PML: variants seen among roughly 807,000 people sequenced by gnomAD.
PML encodes the protein protein PML.
A neutral mutation model predicts 65.2 loss-of-function variants in PML; 28 were observed. The observed-to-expected ratio is 0.43, with a 90% CI of 0.32 to 0.59. PML has a LOEUF of 0.59. Among genes scored for constraint, PML ranks in the 20% least tolerant of loss-of-function variants. The pLI is 0.08. For missense variants in PML, 1,021 were observed against 1,203.4 expected (o/e 0.85, Z 2.24); for synonymous variants, 500 against 508.8 (o/e 0.98, Z 0.23).
chr15:74,045,175 C>T lies in PML; in HGVS notation c.*167C>T, dbSNP rs2071759364. The T allele has an allele frequency of 1.5e-6, 1 of 650,036 alleles. No homozygotes were observed. Among genetic ancestry groups the T allele is most frequent in the Non-Finnish European group, 2.6e-6 (1 of 383,732 alleles). The allele number at this position is 650,036 out of a possible 1,614,324, so 40.3% of individuals were successfully genotyped here. A position where few individuals can be genotyped will look rare whatever the true frequency, so the allele number is the denominator to read the frequency against. ...TGGGACCAAATTTCCCTTCTCTAAA[C>T]ATCCTACAGAGAAGGTTCCAAAGCT... On this transcript the variant is annotated 3_prime_UTR_variant, in exon 9 of 9. Transcript: ENST00000268058.
At position 74,037,451 on chromosome 15, in the gene PML, C is replaced by T; in HGVS notation, c.1710+2921C>T. On this transcript the variant is annotated intron_variant, in intron 7 of 8. Coordinates refer to ENST00000268058, the MANE Select transcript of PML (RefSeq NM_033238.3). The surrounding 1 kb of genome is among the most constrained non-coding windows in gnomAD (Gnocchi z 4.2). Reference sequence around the variant, plus strand: ...TCTCTTGCATCTTCTAATGTATCCACTGCCTTCTGAACTAAACACCCTGAA... The same window carrying T: ...TCTCTTGCATCTTCTAATGTATCCATTGCCTTCTGAACTAAACACCCTGAA... 1.0e-6 allele frequency: 1 copy of T among 985,416 alleles called. No homozygotes were observed. Among genetic ancestry groups the T allele is most frequent in the Non-Finnish European group, 1.2e-6 (1 of 829,922 alleles). 61.0% of individuals were successfully genotyped at this position (985,416 alleles called of 1,614,324 possible). A position where few individuals can be genotyped will look rare whatever the true frequency, so the allele number is the denominator to read the frequency against.
intron 7 of PML, among the ~76,000 whole-genome samples, chr15:74,039,387 TA>T (rs758881114): frequency 1.7e-4 from 26 of 152,186 alleles, no homozygotes; most frequent in Non-Finnish European, 2.9e-4. Flanking sequence ...TGCAGAAAGA[TA>T]GCAATGCATG....
At chr15:74,015,110 A>G (rs75050379) in intron 2 of PML, among the ~76,000 whole-genome samples, 6,689 of 152,288 alleles carry the variant, frequency 0.044, 185 homozygotes, top group African/African-American at 0.069. Flanking sequence ...CTATTCTGGT[A>G]TCTTCTTCTC....
intron 2 of PML, among the ~76,000 whole-genome samples, chr15:74,019,600 T>C (rs1234124076): frequency 2.0e-5 from 3 of 152,192 alleles, no homozygotes; most frequent in Non-Finnish European, 4.4e-5. Context: ...TCAAATACAA[T>C]CAACTATGAA....
chr15:74,043,167 C>A lies in PML; in HGVS notation c.1861+28C>A. The A allele has an allele frequency of 6.2e-7, 1 of 1,613,952 alleles. No individual in the cohort carries two copies. The highest frequency in any genetic ancestry group is 8.5e-7 in the Non-Finnish European group (1 of 1,180,012). On this transcript the variant is annotated intron_variant, in intron 8 of 8. Coordinates refer to ENST00000268058, the MANE Select transcript of PML (RefSeq NM_033238.3). The surrounding 1 kb of genome is among the most constrained non-coding windows in gnomAD (Gnocchi z 4.3). ...GGGTTCTCCTGGGGCTACCCCCACC[C>A]CTTTCTAATTTAGTCTCTGAGTCCC...
chr15:74,010,699 C>G (rs978201744), intron 2 of PML, among the ~76,000 whole-genome samples: 2 of 152,072 alleles, frequency 1.3e-5, no homozygotes, highest in African/African-American at 4.8e-5. Flanking sequence ...GAATGCCTGC[C>G]TTCGAAGCTT....
intron 4 of PML, chr15:74,025,221 A>G (rs1333284530): frequency 2.2e-6 from 1 of 463,022 alleles, no homozygotes; most frequent in Admixed American, 3.4e-5. Context: ...GGGCTGCTGC[A>G]GAGGGAATTC....
intron 2 of PML, among the ~76,000 whole-genome samples, chr15:74,004,198 C>G (rs2069919831): frequency 6.6e-6 from 1 of 152,232 alleles, no homozygotes; most frequent in African/African-American, 2.4e-5. Context: ...CAGCCTCAAA[C>G]TCCTGGGCTC....
chr15:74,001,915 G>C (rs2069779759), intron 2 of PML, among the ~76,000 whole-genome samples: 1 of 151,874 alleles, frequency 6.6e-6, no homozygotes, highest in African/African-American at 2.4e-5. Flanking sequence ...GAGGCAGGAG[G>C]GTTGCTTGAA....
At chr15:74,017,429 C>T (rs1249892691) in intron 2 of PML, among the ~76,000 whole-genome samples, 1 of 152,020 alleles carries the variant, frequency 6.6e-6, no homozygotes, top group Non-Finnish European at 1.5e-5. Context: ...GGCGGATCAC[C>T]TGAGGTCAGG....
chr15:74,009,389 T>C lies in PML; in HGVS notation c.602+10913T>C, dbSNP rs117763467. Among the ~76,000 whole-genome samples the C allele has an allele frequency of 8.9e-3, 1,353 of 152,292 alleles. 16 individuals are homozygous for C. Among genetic ancestry groups the C allele is most frequent in the Middle Eastern group, 0.031 (9 of 294 alleles). On this transcript the variant is annotated intron_variant, in intron 2 of 8. Transcript: ENST00000268058. ...TGCATTTTATTGGGGATTGATATTA[T>C]TGGGATTGCTTCCTGGCCTGCAAGG...
In PML at chr15:74,040,136, G is replaced by A. The variant is rs141611834; in HGVS notation, c.1711-2853G>A. Among the ~76,000 whole-genome samples the A allele has an allele frequency of 5.3e-5, 8 of 152,282 alleles. No individual in the cohort carries two copies. In the East Asian group the frequency reaches 1.5e-3, roughly 29 times the overall value. On this transcript the variant is annotated intron_variant, in intron 7 of 8. Coordinates refer to ENST00000268058, the MANE Select transcript of PML (RefSeq NM_033238.3). ...GCCTGAACACAGTTTTGCATTCAAA[G>A]AAACAATGTCCATTAACCAAGTATA... is the stretch of plus-strand genomic sequence containing the variant.
Position 74,042,723 on chromosome 15 carries a change from G to A in PML, c.1711-266G>A, listed in dbSNP as rs535977239. 19 of 985,374 alleles carry A rather than the reference G, an allele frequency of 1.9e-5. No individual in the cohort carries two copies. The highest frequency in any genetic ancestry group is 1.1e-4 in the East Asian group (1 of 8,800). 61.0% of individuals were successfully genotyped at this position (985,374 alleles called of 1,614,324 possible). Reference sequence around the variant, plus strand: ...CTTGGATTCATTCCCACACATGCACGTTCACAACCTGTGTGTGTCACCCTT... The same window carrying A: ...CTTGGATTCATTCCCACACATGCACATTCACAACCTGTGTGTGTCACCCTT... On this transcript the variant is annotated intron_variant, in intron 7 of 8. Coordinates refer to ENST00000268058, the MANE Select transcript of PML (RefSeq NM_033238.3). The surrounding 1 kb of genome is among the most constrained non-coding windows in gnomAD (Gnocchi z 5.3).
intron 4 of PML, among the ~76,000 whole-genome samples, chr15:74,031,667 T>C (rs1158694377): frequency 6.6e-6 from 1 of 152,196 alleles, no homozygotes; most frequent in African/African-American, 2.4e-5. Context: ...TTTCCCTTCT[T>C]TTGGGTGCAC....
intron 4 of PML, 141 bp downstream of exon 4, chr15:74,025,068 G>A: frequency 1.5e-6 from 1 of 676,028 alleles, no homozygotes. Flanking sequence ...TTCAGTGAGA[G>A]GAAGTAAAGG....
chr15:74,029,670 T>A (rs1003850013), intron 4 of PML, among the ~76,000 whole-genome samples: 2 of 152,168 alleles, frequency 1.3e-5, no homozygotes, highest in Admixed American at 6.5e-5. Flanking sequence ...TAAATTATGA[T>A]TGTTACATGG....
In PML at chr15:74,000,835, C is replaced by T. The variant is rs966223253; in HGVS notation, c.602+2359C>T. 3.9e-5 allele frequency among the ~76,000 whole-genome samples: 6 copies of T among 152,056 alleles called. 1 individual carries two copies. The highest frequency in any genetic ancestry group is 6.5e-5 in the Admixed American group (1 of 15,270). On this transcript the variant is annotated intron_variant, in intron 2 of 8. Coordinates refer to ENST00000268058, the MANE Select transcript of PML (RefSeq NM_033238.3). Reference sequence around the variant, plus strand: ...CCAACTGTACATATAAATTGTTTAGCGTAGTGCCTGGCACATATTAAATAC... The same window carrying T: ...CCAACTGTACATATAAATTGTTTAGTGTAGTGCCTGGCACATATTAAATAC...
At chr15:74,010,467 T>C (rs1357817929) in intron 2 of PML, among the ~76,000 whole-genome samples, 2 of 146,698 alleles carry the variant, frequency 1.4e-5, no homozygotes, top group African/African-American at 2.5e-5. Context: ...CAGTAAGCCA[T>C]AATCATGCCA....
Position 73,994,811 on chromosome 15 carries a change from C to G in PML, c.-2C>G. 6.4e-7 allele frequency: 1 copy of G among 1,554,218 alleles called. No individual in the cohort carries two copies. Among genetic ancestry groups the G allele is most frequent in the East Asian group, 2.4e-5 (1 of 41,422 alleles). ...CCGAGAATCGAAACTAAGCTGGGGT[C>G]CATGGAGCCTGCACCCGCCCGATCT... On this transcript the variant is annotated 5_prime_UTR_variant, in exon 1 of 9. Transcript: ENST00000268058.
Sources: allele counts gnomAD v4.1 joint callset (sites outside exome capture counted in the v4.1 genomes callset), GRCh38; gene constraint gnomAD v4.1.1; non-coding constraint Gnocchi (gnomAD v3.1); transcripts MANE v1.5; gene names NCBI Gene and HGNC (gene_info 2026-07-23, HGNC 2026-07-21).